The following FNDC3B variants were observed in gnomAD, a reference collection of about 807,000 sequenced individuals.
The protein encoded by FNDC3B is fibronectin type III domain-containing protein 3B.
In FNDC3B, 12 loss-of-function variants were observed where a neutral mutation model predicts 151.5. The observed-to-expected ratio is 0.08, with a 90% CI of 0.05 to 0.13. FNDC3B has a LOEUF of 0.13. FNDC3B is among the 10% of genes least tolerant of loss of function. The probability of loss-of-function intolerance (pLI) is 1.00; values close to 1 mark genes in which losing one functional copy is unlikely to be tolerated. For missense variants in FNDC3B, 1,214 were observed against 1,505.3 expected (o/e 0.81, Z 3.20); for synonymous variants, 528 against 549.0 (o/e 0.96, Z 0.54).
intron 6 of FNDC3B, among the ~76,000 whole-genome samples, chr3:172,279,422 C>T (rs766453355): frequency 1.1e-4 from 16 of 152,138 alleles, no homozygotes; most frequent in Non-Finnish European, 1.9e-4. Flanking sequence ...GAACCTAGGC[C>T]GCTCTTGAAA....
chr3:172,053,852 G>A (rs1176065053), intron 1 of FNDC3B, among the ~76,000 whole-genome samples: 3 of 151,582 alleles, frequency 2.0e-5, no homozygotes, highest in African/African-American at 7.3e-5. Flanking sequence ...TTCCTAGATT[G>A]TTCTCTGTAG....
At chr3:172,111,934 C>T (rs184787119) in intron 1 of FNDC3B, among the ~76,000 whole-genome samples, 1 of 152,118 alleles carries the variant, frequency 6.6e-6, no homozygotes, top group Non-Finnish European at 1.5e-5. Context: ...TTCGTTTATA[C>T]TTCTTTGTCC....
chr3:172,113,606 G>A (rs1353642213), intron 2 of FNDC3B, among the ~76,000 whole-genome samples: 1 of 152,158 alleles, frequency 6.6e-6, no homozygotes, highest in Non-Finnish European at 1.5e-5. Context: ...TCTCACCACT[G>A]ATGCAGATAA....
At chr3:172,200,269 G>A (rs1328584161) in intron 3 of FNDC3B, among the ~76,000 whole-genome samples, 1 of 152,232 alleles carries the variant, frequency 6.6e-6, no homozygotes, top group African/African-American at 2.4e-5. Context: ...GACATGAGGA[G>A]AAGAGAACGG....
intron 1 of FNDC3B, among the ~76,000 whole-genome samples, chr3:172,072,632 A>C (rs1475011366): frequency 6.6e-6 from 1 of 152,174 alleles, no homozygotes; most frequent in Non-Finnish European, 1.5e-5. Flanking sequence ...AGCCTTGTAG[A>C]TGAGTTCTTG....
At chr3:172,296,644 A>C (rs533568182) in intron 8 of FNDC3B, among the ~76,000 whole-genome samples, 1 of 152,218 alleles carries the variant, frequency 6.6e-6, no homozygotes, top group African/African-American at 2.4e-5. Flanking sequence ...CTGGCTCATC[A>C]CCGTTTTATT....
At chr3:172,042,837 T>TG (rs1292615271) in intron 1 of FNDC3B, among the ~76,000 whole-genome samples, 1 of 151,922 alleles carries the variant, frequency 6.6e-6, no homozygotes, top group Non-Finnish European at 1.5e-5. Flanking sequence ...TTAAGTTTTT[T>TG]TTTTTTTTTT....
intron 1 of FNDC3B, among the ~76,000 whole-genome samples, chr3:172,053,939 A>G (rs190330857): frequency 3.3e-5 from 5 of 152,298 alleles, no homozygotes; most frequent in East Asian, 3.9e-4. Context: ...AAGAAGCACA[A>G]TGGAGTGAAT....
chr3:172,315,516 G>A (rs989190724), intron 11 of FNDC3B, among the ~76,000 whole-genome samples: 21 of 152,188 alleles, frequency 1.4e-4, no homozygotes, highest in African/African-American at 2.2e-4. Flanking sequence ...GTGGTGACTC[G>A]TGAGCTTTAG....
intron 6 of FNDC3B, among the ~76,000 whole-genome samples, chr3:172,264,162 A>G (rs1728801468): frequency 6.6e-6 from 1 of 151,854 alleles, no homozygotes; most frequent in Non-Finnish European, 1.5e-5. Flanking sequence ...AATTCTTTTT[A>G]TTTATTTTAT....
intron 16 of FNDC3B, 180 bp downstream of exon 16, chr3:172,337,581 C>G (rs1234924125): frequency 5.8e-6 from 3 of 513,732 alleles, no homozygotes; most frequent in African/African-American, 2.0e-5. Flanking sequence ...CACCAGAGAT[C>G]AGAGTCTACT....
intron 3 of FNDC3B, among the ~76,000 whole-genome samples, chr3:172,149,937 G>T (rs1362579871): frequency 1.4e-5 from 2 of 146,082 alleles, no homozygotes; most frequent in Non-Finnish European, 3.0e-5. Flanking sequence ...TCGAGCCTCA[G>T]CCTCTCGAGT....
intron 25 of FNDC3B, among the ~76,000 whole-genome samples, chr3:172,385,241 A>G (rs990895406): frequency 2.0e-5 from 3 of 152,244 alleles, no homozygotes; most frequent in Admixed American, 2.0e-4. Context: ...CTTTGAATTC[A>G]TAGAGGCAAA....
intron 6 of FNDC3B, 25 bp downstream of exon 6, chr3:172,251,566 G>C: frequency 1.3e-6 from 2 of 1,579,480 alleles, no homozygotes; most frequent in Non-Finnish European, 1.7e-6. Context: ...GTTTGCCATA[G>C]AGTGAATTAT....
intron 11 of FNDC3B, among the ~76,000 whole-genome samples, chr3:172,324,809 T>C (rs1285077932): frequency 6.6e-6 from 1 of 152,258 alleles, no homozygotes; most frequent in African/African-American, 2.4e-5. Flanking sequence ...GTGTTCACTC[T>C]GACCAGTTTC....
intron 6 of FNDC3B, among the ~76,000 whole-genome samples, chr3:172,277,136 G>A (rs11718662): frequency 0.073 from 9,169 of 124,962 alleles, 353 homozygotes; most frequent in South Asian, 0.09. Flanking sequence ...GTGAAAAAAC[G>A]TGTGTGTGTG....
intron 3 of FNDC3B, among the ~76,000 whole-genome samples, chr3:172,198,626 C>A (rs1272338498): frequency 6.6e-6 from 1 of 152,182 alleles, no homozygotes; most frequent in Non-Finnish European, 1.5e-5. Flanking sequence ...AGACTGCCAT[C>A]GTAGGTGATG....
intron 1 of FNDC3B, among the ~76,000 whole-genome samples, chr3:172,080,198 G>A (rs951710219): frequency 6.6e-6 from 1 of 152,164 alleles, no homozygotes. Context: ...TTTTGAAACT[G>A]AGTGTGGTCC....
At chr3:172,279,230 G>A (rs1427773225) in intron 6 of FNDC3B, among the ~76,000 whole-genome samples, 1 of 138,708 alleles carries the variant, frequency 7.2e-6, no homozygotes, top group African/African-American at 2.5e-5. Flanking sequence ...TGGGGGGCGG[G>A]GGGCGGGGAA....
Sources: gnomAD v4.1 joint callset for allele counts (sites outside exome capture counted in the v4.1 genomes callset) on GRCh38, gnomAD v4.1.1 for gene constraint, MANE v1.5 for transcripts, NCBI Gene and HGNC (gene_info 2026-07-23, HGNC 2026-07-21) for gene names.